ERC1: variants seen among roughly 807,000 people sequenced by gnomAD.
ERC1 encodes the protein RAB6 interacting protein 2.
A neutral mutation model predicts 132.0 loss-of-function variants in ERC1; 56 were observed. That is an observed-to-expected ratio of 0.42 (90% CI 0.34 to 0.53). The LOEUF is 0.53. Among genes scored for constraint, ERC1 ranks in the 20% least tolerant of loss-of-function variants. The probability of loss-of-function intolerance (pLI) is 0.03; values close to 1 mark genes in which losing one functional copy is unlikely to be tolerated. For missense variants in ERC1, 1,202 were observed against 1,349.9 expected (o/e 0.89, Z 1.72); for synonymous variants, 478 against 476.1 (o/e 1.00, Z -0.05).
In ERC1 at chr12:1,268,682, C is replaced by T. The variant is rs577364053; in HGVS notation, c.2619+5517C>T. Among the ~76,000 whole-genome samples the T allele has an allele frequency of 7.9e-5, 12 of 152,230 alleles. No homozygotes were observed. The South Asian group carries it at 2.3e-3, about 29-fold the overall frequency. On this transcript the variant is annotated intron_variant, in intron 14 of 18. Transcript: ENST00000360905. ...TCGGGAGGCTGAGGCAGGAGAATGG[C>T]GTGAATCTGGGAGGCAGAGTTTGCA...
chr12:1,073,497 C>G (rs897244841), intron 2 of ERC1, among the ~76,000 whole-genome samples: 1 of 150,692 alleles, frequency 6.6e-6, no homozygotes, highest in Admixed American at 6.6e-5. Flanking sequence ...ACTAAAAATA[C>G]AAAAATTAGG....
At chr12:1,000,855 C>A (rs540938340) in intron 1 of ERC1, among the ~76,000 whole-genome samples, 2 of 152,226 alleles carry the variant, frequency 1.3e-5, no homozygotes, top group South Asian at 4.1e-4. Flanking sequence ...ATATAACTTA[C>A]CTTTTGAAGG....
intron 17 of ERC1, among the ~76,000 whole-genome samples, chr12:1,424,160 T>C (rs1242504944): frequency 6.6e-6 from 1 of 152,178 alleles, no homozygotes; most frequent in East Asian, 1.9e-4. Context: ...TGACTGAGCG[T>C]TGGTCCTAGC....
chr12:992,741 A>G (rs1026372930), intron 1 of ERC1, among the ~76,000 whole-genome samples: 1 of 152,242 alleles, frequency 6.6e-6, no homozygotes, highest in Non-Finnish European at 1.5e-5. Flanking sequence ...AGATTACAGT[A>G]TTCTCTGGCC....
chr12:1,389,982 T>C (rs771107070), intron 16 of ERC1, among the ~76,000 whole-genome samples: 10 of 152,230 alleles, frequency 6.6e-5, no homozygotes, highest in Non-Finnish European at 1.0e-4. Flanking sequence ...CATGAACTAA[T>C]CAAACTTGTC....
intron 1 of ERC1, among the ~76,000 whole-genome samples, chr12:1,005,915 A>C: frequency 6.6e-6 from 1 of 151,394 alleles, no homozygotes; most frequent in South Asian, 2.1e-4. Context: ...TATTATTATT[A>C]CTTTTTTTTT....
chr12:1,051,519 G>A (rs955876335), intron 2 of ERC1, among the ~76,000 whole-genome samples: 19 of 138,698 alleles, frequency 1.4e-4, no homozygotes, highest in African/African-American at 2.9e-5. Context: ...GCAAGGCCTC[G>A]TCTCTACCCC....
chr12:1,123,056 C>A (rs144515434), intron 7 of ERC1, among the ~76,000 whole-genome samples: 1 of 152,062 alleles, frequency 6.6e-6, no homozygotes, highest in African/African-American at 2.4e-5. Flanking sequence ...GCACTGCTTA[C>A]GGTGGTGATG....
chr12:1,467,167 C>G (rs779637696), intron 18 of ERC1, among the ~76,000 whole-genome samples: 57 of 152,310 alleles, frequency 3.7e-4, no homozygotes, highest in Non-Finnish European at 6.8e-4. Context: ...CTAAAGCAAA[C>G]TTCGGACACT....
intron 17 of ERC1, among the ~76,000 whole-genome samples, chr12:1,442,679 C>T (rs2093190172): frequency 6.6e-6 from 1 of 151,976 alleles, no homozygotes; most frequent in African/African-American, 2.4e-5. Context: ...TAATTATTTC[C>T]TGGAAATAGT....
intron 18 of ERC1, among the ~76,000 whole-genome samples, chr12:1,488,238 T>C (rs1321687227): frequency 1.3e-5 from 2 of 149,312 alleles, no homozygotes; most frequent in Non-Finnish European, 3.0e-5. Context: ...ACCCTCAGCC[T>C]CCCAAGTAGC....
At chr12:1,123,405 T>G (rs1395129491) in intron 7 of ERC1, among the ~76,000 whole-genome samples, 1 of 152,006 alleles carries the variant, frequency 6.6e-6, no homozygotes. Context: ...TACAAATAAG[T>G]ACTTAGATCA....
rs541623328 is a variant in ERC1 at position 1,425,958 on chromosome 12, C to T, written c.3024+17711C>T. Among the ~76,000 whole-genome samples, 18 of 152,182 alleles carry T rather than the reference C, an allele frequency of 1.2e-4. No individual in the cohort carries two copies. In the South Asian group the frequency reaches 2.9e-3, roughly 25 times the overall value. ...AACTATCCTACTTTTCTTGAGGCACCGATGTAATGAATGTGAAAGTAGTTT... is the reference window on the plus strand; with the variant it reads ...AACTATCCTACTTTTCTTGAGGCACTGATGTAATGAATGTGAAAGTAGTTT... On this transcript the variant is annotated intron_variant, in intron 17 of 18. Coordinates refer to ENST00000360905, the MANE Select transcript of ERC1 (RefSeq NM_178040.4).
intron 1 of ERC1, among the ~76,000 whole-genome samples, chr12:1,000,394 G>A (rs1961978608): frequency 6.6e-6 from 1 of 151,740 alleles, no homozygotes. Flanking sequence ...GCTGAGGCAT[G>A]AGAATTCCTT....
At chr12:1,308,536 A>G (rs7967934) in intron 15 of ERC1, among the ~76,000 whole-genome samples, 50,910 of 151,972 alleles carry the variant, frequency 0.33, 8,717 homozygotes, top group Middle Eastern at 0.42. Context: ...TTCTAGCACA[A>G]TCACTAAATT....
chr12:1,337,559 T>C (rs1350802784), intron 15 of ERC1, among the ~76,000 whole-genome samples: 4 of 152,204 alleles, frequency 2.6e-5, no homozygotes, highest in Admixed American at 6.5e-5. Flanking sequence ...TGTACTGATA[T>C]GTGTGGATCT....
At chr12:1,319,668 C>T (rs569483459) in intron 15 of ERC1, among the ~76,000 whole-genome samples, 1 of 152,176 alleles carries the variant, frequency 6.6e-6, no homozygotes, top group Non-Finnish European at 1.5e-5. Flanking sequence ...CAGATTTTGT[C>T]TTTCCATTTA....
chr12:1,468,474 C>G lies in ERC1; in HGVS notation c.3214-21619C>G, dbSNP rs191412034. Among the ~76,000 whole-genome samples the G allele has an allele frequency of 1.4e-3, 216 of 152,268 alleles. 9 individuals are homozygous for G. The highest frequency in any genetic ancestry group is 0.014 in the Admixed American group (216 of 15,286). On this transcript the variant is annotated intron_variant, in intron 18 of 18. Coordinates refer to ENST00000360905, the MANE Select transcript of ERC1 (RefSeq NM_178040.4). ...AAAATTAGCCCAGCATTGTGTTGCA[C>G]ACCTGTAGTCCCAGCTACTTGGAAG...
At chr12:1,383,061 CT>C (rs1299386155) in intron 16 of ERC1, among the ~76,000 whole-genome samples, 1 of 152,202 alleles carries the variant, frequency 6.6e-6, no homozygotes, top group African/African-American at 2.4e-5. Context: ...TGATAAGACT[CT>C]TCCCTTCATT....
Sources: allele counts gnomAD v4.1 joint callset (sites outside exome capture counted in the v4.1 genomes callset), GRCh38; gene constraint gnomAD v4.1.1; transcripts MANE v1.5; gene names NCBI Gene and HGNC (gene_info 2026-07-23, HGNC 2026-07-21).